Variants in PDZRN3 observed in about 807,000 individuals in gnomAD.
PDZRN3 encodes E3 ubiquitin-protein ligase PDZRN3.
PDZRN3 carries 38 observed loss-of-function variants against 85.7 expected under a neutral mutation model. That is an observed-to-expected ratio of 0.44 (90% CI 0.34 to 0.58). The LOEUF (loss-of-function observed/expected upper bound fraction) is 0.58, where lower values mean the gene tolerates loss of function less well. Ranked by LOEUF, PDZRN3 falls within the 20% of genes least tolerant of loss-of-function variation. The pLI, the probability that PDZRN3 is intolerant of heterozygous loss-of-function variation, is 0.01. For synonymous variants in PDZRN3, 759 were observed against 638.0 expected (o/e 1.19, Z -2.86); for missense variants, 1,629 against 1,506.4 (o/e 1.08, Z -1.35).
chr3:73,530,010 T>C (rs1328793118), intron 3 of PDZRN3, among the ~76,000 whole-genome samples: 1 of 152,154 alleles, frequency 6.6e-6, no homozygotes, highest in East Asian at 1.9e-4. Flanking sequence ...GCTGTCACCA[T>C]CATCATCATC....
intron 3 of PDZRN3, among the ~76,000 whole-genome samples, chr3:73,412,177 C>T (rs1203528296): frequency 2.0e-5 from 3 of 152,174 alleles, no homozygotes; most frequent in Middle Eastern, 6.3e-3. Context: ...AATACAGCCA[C>T]AAATTGAAGG....
At chr3:73,503,400 T>C (rs1371391180) in intron 3 of PDZRN3, among the ~76,000 whole-genome samples, 2 of 152,214 alleles carry the variant, frequency 1.3e-5, no homozygotes. Context: ...AGTCTAGCAT[T>C]ACACATGAAT....
At chr3:73,458,966 C>A (rs141366916) in intron 3 of PDZRN3, among the ~76,000 whole-genome samples, 1 of 143,154 alleles carries the variant, frequency 7.0e-6, no homozygotes, top group Non-Finnish European at 1.5e-5. Context: ...CACTCCAGCC[C>A]GGGCAACAGA....
intron 7 of PDZRN3, among the ~76,000 whole-genome samples, chr3:73,389,356 C>T (rs1701470478): frequency 6.6e-6 from 1 of 152,148 alleles, no homozygotes; most frequent in South Asian, 2.1e-4. Flanking sequence ...ATTTCTAAGA[C>T]TTTTCAATCG....
chr3:73,564,600 A>G (rs1358436383), intron 3 of PDZRN3, among the ~76,000 whole-genome samples: 1 of 152,166 alleles, frequency 6.6e-6, no homozygotes, highest in East Asian at 1.9e-4. Context: ...GGATGGTCCA[A>G]TCCCTCTTAG....
intron 3 of PDZRN3, among the ~76,000 whole-genome samples, chr3:73,464,432 A>G (rs1305747820): frequency 1.3e-5 from 2 of 152,204 alleles, no homozygotes; most frequent in African/African-American, 2.4e-5. Context: ...CCTTATATCA[A>G]ATAACATTGT....
intron 3 of PDZRN3, among the ~76,000 whole-genome samples, chr3:73,560,551 C>G (rs998236451): frequency 2.0e-5 from 3 of 152,220 alleles, no homozygotes; most frequent in African/African-American, 7.2e-5. Flanking sequence ...GCATGTCAGA[C>G]ACATTTTGCT....
intron 3 of PDZRN3, among the ~76,000 whole-genome samples, chr3:73,423,394 G>A (rs536245574): frequency 2.2e-4 from 33 of 152,320 alleles, no homozygotes; most frequent in Admixed American, 1.9e-3. Context: ...ACTGCTTAAC[G>A]CACTGGGAGA....
At chr3:73,581,929 T>C (rs560105670) in intron 3 of PDZRN3, among the ~76,000 whole-genome samples, 2 of 152,010 alleles carry the variant, frequency 1.3e-5, no homozygotes, top group Non-Finnish European at 2.9e-5. Context: ...TGAAACCCCA[T>C]CTCTACAAAA....
chr3:73,420,880 ATCCTCC>A (rs1702186819), intron 3 of PDZRN3, among the ~76,000 whole-genome samples: 1 of 152,198 alleles, frequency 6.6e-6, no homozygotes, highest in Non-Finnish European at 1.5e-5. Flanking sequence ...GAGTATTTGC[ATCCTCC>A]CATATAGTTT....
chr3:73,425,664 C>A (rs1051486534), intron 3 of PDZRN3, among the ~76,000 whole-genome samples: 7 of 151,420 alleles, frequency 4.6e-5, no homozygotes, highest in African/African-American at 1.5e-4. Context: ...CGAGGTAAGG[C>A]GGATACTTAT....
At position 73,563,366 on chromosome 3, in the gene PDZRN3, T is replaced by C. The variant is rs191594181; in HGVS notation, c.918+38988A>G. 2.7e-3 allele frequency among the ~76,000 whole-genome samples: 408 copies of C among 151,952 alleles called. 4 individuals are homozygous for C. The highest frequency in any genetic ancestry group is 9.4e-3 in the African/African-American group (389 of 41,456). ...TTATATTTTCTATTTAAAAAAAAGATGATGAACTGGATAAATCAAAAGCAG... is the reference window on the plus strand; with the variant it reads ...TTATATTTTCTATTTAAAAAAAAGACGATGAACTGGATAAATCAAAAGCAG... On this transcript the variant is annotated intron_variant, in intron 3 of 9. Coordinates refer to ENST00000263666, the MANE Select transcript of PDZRN3 (RefSeq NM_015009.3).
At chr3:73,561,796 G>A (rs1701821719) in intron 3 of PDZRN3, among the ~76,000 whole-genome samples, 2 of 151,652 alleles carry the variant, frequency 1.3e-5, no homozygotes, top group Non-Finnish European at 2.9e-5. Context: ...GAAATCCCAC[G>A]TCTCAATTCC....
chr3:73,415,621 A>G (rs562207326), intron 3 of PDZRN3, among the ~76,000 whole-genome samples: 2 of 152,326 alleles, frequency 1.3e-5, no homozygotes, highest in East Asian at 3.9e-4. Flanking sequence ...CACATTCAGT[A>G]CAGTATTAAA....
At chr3:73,416,890 T>TTTTTTTTTTTTTTTTTTTTTTG (rs1559667740) in intron 3 of PDZRN3, among the ~76,000 whole-genome samples, 2 of 139,960 alleles carry the variant, frequency 1.4e-5, no homozygotes, top group African/African-American at 5.6e-5. Flanking sequence ...TTTTTTTTTT[T>TTTTTTTTTTTTTTTTTTTTTTG]TTTTTTTTTT....
chr3:73,618,899 T>C (rs1023230651), intron 1 of PDZRN3, among the ~76,000 whole-genome samples: 4 of 152,238 alleles, frequency 2.6e-5, no homozygotes, highest in African/African-American at 7.2e-5. Flanking sequence ...AGATATACTA[T>C]GGAATGGCCC....
chr3:73,416,894 T>G (rs28592254), intron 3 of PDZRN3, among the ~76,000 whole-genome samples: 5 of 143,054 alleles, frequency 3.5e-5, no homozygotes, highest in African/African-American at 1.0e-4. Flanking sequence ...TTTTTTTTTT[T>G]TTTTTTTTTT....
At chr3:73,554,548 C>G (rs144679179) in intron 3 of PDZRN3, among the ~76,000 whole-genome samples, 2 of 152,030 alleles carry the variant, frequency 1.3e-5, no homozygotes, top group Non-Finnish European at 2.9e-5. Flanking sequence ...CCATAATGTA[C>G]GTTCAAAGGG....
Position 73,384,178 on chromosome 3 carries a change from C to A in PDZRN3, c.2388G>T (p.Gly796=). The A allele has an allele frequency of 6.2e-7, 1 of 1,614,010 alleles. No homozygotes were observed. The highest frequency in any genetic ancestry group is 8.5e-7 in the Non-Finnish European group (1 of 1,180,030). The change falls in exon 10 of 10, where the codon GGG becomes GGT. Residue 796 remains glycine (G), a synonymous_variant. Transcript: ENST00000263666. ...ISCPSSEGAV[G]TTEAYGPASK... ...AGGCTGGCCCGTAGGCTTCCGTGGT[C>A]CCCACAGCCCCTTCGCTGCTCGGGC...
Sources: gnomAD v4.1 joint callset for allele counts (sites outside exome capture counted in the v4.1 genomes callset) on GRCh38, gnomAD v4.1.1 for gene constraint, MANE v1.5 for transcripts, NCBI Gene and HGNC (gene_info 2026-07-23, HGNC 2026-07-21) for gene names.